SPAG16: variants seen among roughly 807,000 people sequenced by gnomAD.
SPAG16 encodes sperm associated antigen 16, also known as sperm-associated antigen 16 protein.
In SPAG16, 86 loss-of-function variants were observed where a neutral mutation model predicts 80.4. The observed-to-expected ratio is 1.07, with a 90% CI of 0.90 to 1.28. The LOEUF is 1.28. Among genes scored for constraint, SPAG16 ranks in the 50% most tolerant of loss-of-function variants. The probability of loss-of-function intolerance (pLI) is 0.00; values close to 1 mark genes in which losing one functional copy is unlikely to be tolerated. For missense variants in SPAG16, 870 were observed against 765.3 expected (o/e 1.14, Z -1.61); for synonymous variants, 294 against 265.9 (o/e 1.11, Z -1.03).
chr2:213,677,452 G>A (rs1278575526), intron 10 of SPAG16, among the ~76,000 whole-genome samples: 4 of 151,806 alleles, frequency 2.6e-5, no homozygotes, highest in Admixed American at 2.6e-4. Context: ...AACAAAAAAA[G>A]GCAGGGGTTG....
chr2:214,255,339 G>A (rs535913390), intron 15 of SPAG16, among the ~76,000 whole-genome samples: 60 of 151,920 alleles, frequency 3.9e-4, no homozygotes, highest in Non-Finnish European at 5.2e-4. Flanking sequence ...TGTCACTCTG[G>A]CCCTGGGATT....
intron 15 of SPAG16, among the ~76,000 whole-genome samples, chr2:214,171,287 T>C (rs1264514902): frequency 6.6e-6 from 1 of 151,936 alleles, no homozygotes; most frequent in Non-Finnish European, 1.5e-5. Flanking sequence ...GAAGCATCAA[T>C]TTTTGACTCC....
chr2:214,309,692 T>C (rs1695152655), intron 15 of SPAG16, among the ~76,000 whole-genome samples: 2 of 152,156 alleles, frequency 1.3e-5, no homozygotes, highest in Admixed American at 1.3e-4. Flanking sequence ...CTTTGGACTG[T>C]GTACTATAAT....
chr2:214,017,859 A>G (rs2047667612), intron 13 of SPAG16, among the ~76,000 whole-genome samples: 1 of 152,158 alleles, frequency 6.6e-6, no homozygotes, highest in Admixed American at 6.6e-5. Context: ...TATTATTGCT[A>G]TTTTGTTACT....
intron 15 of SPAG16, among the ~76,000 whole-genome samples, chr2:214,171,733 T>C (rs955079536): frequency 6.6e-6 from 1 of 151,974 alleles, no homozygotes; most frequent in South Asian, 2.1e-4. Context: ...ATGATACTAG[T>C]TTAAGAATAA....
intron 9 of SPAG16, among the ~76,000 whole-genome samples, chr2:213,379,331 T>A (rs532500929): frequency 2.6e-5 from 4 of 152,308 alleles, no homozygotes; most frequent in African/African-American, 9.6e-5. Context: ...TGCCTCAGCC[T>A]AGTAAAGTAT....
intron 10 of SPAG16, among the ~76,000 whole-genome samples, chr2:213,786,016 A>G (rs1008410785): frequency 5.9e-5 from 9 of 152,164 alleles, no homozygotes; most frequent in African/African-American, 1.9e-4. Flanking sequence ...TAAAAAAAAA[A>G]AAAGAATTTT....
chr2:214,004,993 A>C (rs1298167191), intron 12 of SPAG16, among the ~76,000 whole-genome samples: 5 of 152,226 alleles, frequency 3.3e-5, no homozygotes, highest in Non-Finnish European at 7.3e-5. Context: ...AATTGCTTAG[A>C]ACACTAAGCA....
At chr2:214,244,169 T>A (rs1689681822) in intron 15 of SPAG16, among the ~76,000 whole-genome samples, 1 of 151,972 alleles carries the variant, frequency 6.6e-6, no homozygotes, top group Non-Finnish European at 1.5e-5. Context: ...CTGAAAAATA[T>A]TTAAATTGGA....
chr2:214,410,330 C>G lies in SPAG16; in HGVS notation c.*15C>G. The G allele has an allele frequency of 6.3e-7, 1 of 1,580,492 alleles. No individual in the cohort carries two copies. Among genetic ancestry groups the G allele is most frequent in the Non-Finnish European group, 8.7e-7 (1 of 1,155,068 alleles). ...CGTGGTCTTGACCGTCAGCACATCC[C>G]GCTGCAGAGGGCATTCCCTTTAAGG... is the stretch of plus-strand genomic sequence containing the variant. On this transcript the variant is annotated 3_prime_UTR_variant, in exon 16 of 16. Coordinates refer to ENST00000331683, the MANE Select transcript of SPAG16 (RefSeq NM_024532.5).
At chr2:214,061,412 C>T (rs975392368) in intron 13 of SPAG16, among the ~76,000 whole-genome samples, 9 of 152,214 alleles carry the variant, frequency 5.9e-5, no homozygotes, top group South Asian at 4.1e-4. Flanking sequence ...TGTATGCATG[C>T]GTGTGTATAC....
At chr2:213,599,933 G>A (rs548702700) in intron 10 of SPAG16, among the ~76,000 whole-genome samples, 4 of 152,032 alleles carry the variant, frequency 2.6e-5, no homozygotes, top group African/African-American at 9.7e-5. Flanking sequence ...CGATCCACCC[G>A]CCTTGGCCTC....
intron 10 of SPAG16, among the ~76,000 whole-genome samples, chr2:213,591,338 A>G (rs1262175804): frequency 1.3e-5 from 2 of 152,030 alleles, no homozygotes; most frequent in Non-Finnish European, 2.9e-5. Flanking sequence ...TTCTTCACAA[A>G]CTCTAGTTTC....
chr2:214,340,784 C>G (rs369870765), intron 15 of SPAG16, among the ~76,000 whole-genome samples: 1 of 152,150 alleles, frequency 6.6e-6, no homozygotes, highest in Admixed American at 6.5e-5. Flanking sequence ...GTCAGGCCCA[C>G]CTGGATCCTG....
intron 10 of SPAG16, chr2:213,758,242 C>T (rs1374697576): frequency 6.5e-6 from 1 of 152,796 alleles, no homozygotes; most frequent in African/African-American, 2.4e-5. Flanking sequence ...CTGAAGTAAC[C>T]GCAAACTCTC....
chr2:213,497,652 G>T (rs919417205), intron 10 of SPAG16, among the ~76,000 whole-genome samples: 1 of 151,912 alleles, frequency 6.6e-6, no homozygotes, highest in Non-Finnish European at 1.5e-5. Flanking sequence ...CCTATAAGAA[G>T]GCATTGTTGG....
At chr2:214,070,558 C>T (rs919803246) in intron 13 of SPAG16, among the ~76,000 whole-genome samples, 6 of 151,916 alleles carry the variant, frequency 3.9e-5, no homozygotes, top group African/African-American at 1.4e-4. Flanking sequence ...TGTTTTACTC[C>T]AGTATTAGGA....
chr2:214,336,768 AAT>A (rs1697316278), intron 15 of SPAG16, among the ~76,000 whole-genome samples: 1 of 151,624 alleles, frequency 6.6e-6, no homozygotes, highest in Non-Finnish European at 1.5e-5. Flanking sequence ...AATGCATAGA[AAT>A]AGAGTGTTTT....
chr2:213,614,731 CT>C (rs1412172869), intron 10 of SPAG16, among the ~76,000 whole-genome samples: 1 of 152,164 alleles, frequency 6.6e-6, no homozygotes, highest in Non-Finnish European at 1.5e-5. Flanking sequence ...CTCTCTTATG[CT>C]TTTATAAGAT....
Sources: gnomAD v4.1 joint callset for allele counts (sites outside exome capture counted in the v4.1 genomes callset) on GRCh38, gnomAD v4.1.1 for gene constraint, MANE v1.5 for transcripts, NCBI Gene and HGNC (gene_info 2026-07-23, HGNC 2026-07-21) for gene names.